The following SMAD2 variants were observed in gnomAD, a reference collection of about 807,000 sequenced individuals.
SMAD2 encodes MAD homolog 2.
Under a neutral mutation model 64.4 loss-of-function variants are expected in SMAD2, and 8 were observed. That is an observed-to-expected ratio of 0.12 (90% confidence interval 0.07 to 0.22). The LOEUF is 0.22. SMAD2 is among the 10% of genes least tolerant of loss of function. SMAD2 has a pLI of 1.00. For synonymous variants in SMAD2, 203 were observed against 195.8 expected (o/e 1.04, Z -0.31); for missense variants, 289 against 561.2 (o/e 0.51, Z 4.90).
intron 6 of SMAD2, 48 bp downstream of exon 6, chr18:47,865,011 G>T (rs2031455144): frequency 1.9e-6 from 2 of 1,067,222 alleles, no homozygotes; most frequent in East Asian, 2.4e-5. Context: ...AACAATACAA[G>T]AAATGTATAT....
At chr18:47,917,306 A>G (rs2034375960) in intron 1 of SMAD2, among the ~76,000 whole-genome samples, 1 of 152,192 alleles carries the variant, frequency 6.6e-6, no homozygotes, top group East Asian at 1.9e-4. Context: ...ATTTTACCTT[A>G]TAAATTACAC....
At chr18:47,880,569 T>C (rs2032528247) in intron 2 of SMAD2, among the ~76,000 whole-genome samples, 1 of 152,152 alleles carries the variant, frequency 6.6e-6, no homozygotes. Flanking sequence ...TATTACTGAG[T>C]TTTCCAATTC....
Position 47,845,322 on chromosome 18 carries a change from CA to C in SMAD2, c.1280+17del. On this transcript the variant is annotated intron_variant, in intron 10 of 10. Coordinates refer to ENST00000262160, the MANE Select transcript of SMAD2 (RefSeq NM_005901.6). ...AATTACACTGTGGAAATTTAAGAAC[CA>C]AATATGTATTTCATACCGGTATTCT... 1 of 1,610,226 alleles carries C rather than the reference CA, an allele frequency of 6.2e-7. No homozygotes were observed. Among genetic ancestry groups the C allele is most frequent in the East Asian group, 2.2e-5 (1 of 44,856 alleles).
At chr18:47,885,128 CAT>C (rs750211705) in intron 2 of SMAD2, among the ~76,000 whole-genome samples, 156 of 67,116 alleles carry the variant, frequency 2.3e-3, no homozygotes, top group African/African-American at 0.01. Flanking sequence ...TAGATTTAGT[CAT>C]ATACACACAC....
chr18:47,828,052 G>A lies in SMAD2; in HGVS notation c.*13775C>T, dbSNP rs551126510. ...ATGTGGGGAGCGCCTCTGCCCCGCC[G>A]CCCCGTCTGGGATGTGAGGAGTGTC... is the stretch of plus-strand genomic sequence containing the variant. On this transcript the variant is annotated 3_prime_UTR_variant, in exon 11 of 11. Coordinates refer to ENST00000262160, the MANE Select transcript of SMAD2 (RefSeq NM_005901.6). 9.1e-5 allele frequency: 14 copies of A among 154,122 alleles called. No individual in the cohort carries two copies. The highest frequency in any genetic ancestry group is 2.9e-4 in the South Asian group (2 of 6,988). 9.5% of individuals were successfully genotyped at this position (154,122 alleles called of 1,614,324 possible).
chr18:47,872,371 A>C (rs1218967144), intron 2 of SMAD2, among the ~76,000 whole-genome samples: 1 of 152,150 alleles, frequency 6.6e-6, no homozygotes. Flanking sequence ...GATTCAACCA[A>C]CCGTGGATCA....
At chr18:47,879,154 A>G (rs1019709753) in intron 2 of SMAD2, among the ~76,000 whole-genome samples, 10 of 152,160 alleles carry the variant, frequency 6.6e-5, no homozygotes, top group Admixed American at 6.6e-4. Flanking sequence ...AGATAACACA[A>G]ATCTAGACAC....
chr18:47,862,171 T>A (rs907767226), intron 6 of SMAD2, among the ~76,000 whole-genome samples: 1 of 152,202 alleles, frequency 6.6e-6, no homozygotes, highest in African/African-American at 2.4e-5. Context: ...CAATTTCTAA[T>A]TTTTGTATAT....
intron 6 of SMAD2, among the ~76,000 whole-genome samples, chr18:47,853,975 T>C (rs900798073): frequency 2.6e-5 from 4 of 152,040 alleles, no homozygotes; most frequent in Non-Finnish European, 5.9e-5. Flanking sequence ...AAATGACCAG[T>C]AGGATCATTT....
intron 7 of SMAD2, 113 bp from the exon 8 acceptor site, chr18:47,848,800 C>G (rs962474792): frequency 1.1e-5 from 8 of 755,228 alleles, no homozygotes; most frequent in Non-Finnish European, 1.8e-5. Context: ...CCTGCACTGG[C>G]AAAAGCTCAG....
intron 8 of SMAD2, among the ~76,000 whole-genome samples, chr18:47,846,211 C>A (rs184312132): frequency 1.3e-5 from 2 of 152,014 alleles, no homozygotes; most frequent in Admixed American, 6.6e-5. Flanking sequence ...GATGTAAAAA[C>A]ATCAAAAAGT....
chr18:47,901,776 A>G (rs1326179946), intron 1 of SMAD2, among the ~76,000 whole-genome samples: 1 of 152,142 alleles, frequency 6.6e-6, no homozygotes, highest in Admixed American at 6.5e-5. Flanking sequence ...CTTCATTTCA[A>G]AAGCTAGCAG....
chr18:47,857,249 A>C (rs538529409), intron 6 of SMAD2, among the ~76,000 whole-genome samples: 1 of 152,340 alleles, frequency 6.6e-6, no homozygotes, highest in South Asian at 2.1e-4. Flanking sequence ...TAAGAGATTA[A>C]GCTTCCCTGC....
rs969915926 is a variant in SMAD2 at position 47,812,355 on chromosome 18, G to C, written c.*29472C>G. 6.6e-6 allele frequency: 1 copy of C among 152,086 alleles called. No homozygotes were observed. The highest frequency in any genetic ancestry group is 2.4e-5 in the African/African-American group (1 of 41,408). The allele number at this position is 152,086 out of a possible 1,614,324, so 9.4% of individuals were successfully genotyped here. A position where few individuals can be genotyped will look rare whatever the true frequency, so the allele number is the denominator to read the frequency against. Reference sequence around the variant, plus strand: ...GGCCTCCCCAGCCATGTAAAACTGTGAGTCAATTAAACCTCTTTTATAAAT... The same window carrying C: ...GGCCTCCCCAGCCATGTAAAACTGTCAGTCAATTAAACCTCTTTTATAAAT... On this transcript the variant is annotated 3_prime_UTR_variant, in exon 11 of 11. Transcript: ENST00000262160.
intron 8 of SMAD2, among the ~76,000 whole-genome samples, chr18:47,846,549 G>A (rs965487264): frequency 6.6e-6 from 1 of 152,122 alleles, no homozygotes. Flanking sequence ...CTTTAAAAGG[G>A]ACTAGACTGT....
chr18:47,919,434 G>T (rs1403780481), intron 1 of SMAD2, among the ~76,000 whole-genome samples: 1 of 125,576 alleles, frequency 8.0e-6, no homozygotes, highest in South Asian at 2.9e-4. Flanking sequence ...ACTCCAACTA[G>T]ACAACAGAGT....
chr18:47,920,502 T>A (rs1568118009), intron 1 of SMAD2, among the ~76,000 whole-genome samples: 1 of 152,216 alleles, frequency 6.6e-6, no homozygotes, highest in African/African-American at 2.4e-5. Flanking sequence ...CTAGTGGCTA[T>A]CATACTGGAC....
At chr18:47,855,866 A>G (rs2030629828) in intron 6 of SMAD2, among the ~76,000 whole-genome samples, 1 of 152,152 alleles carries the variant, frequency 6.6e-6, no homozygotes, top group Non-Finnish European at 1.5e-5. Context: ...TTTCTGCTGA[A>G]AAAGCTGATT....
intron 1 of SMAD2, among the ~76,000 whole-genome samples, chr18:47,911,145 T>A (rs768559546): frequency 6.6e-6 from 1 of 151,712 alleles, no homozygotes; most frequent in Non-Finnish European, 1.5e-5. Flanking sequence ...AGGTCAGGCA[T>A]TCGAGAACTA....
Sources: gnomAD v4.1 joint callset for allele counts (sites outside exome capture counted in the v4.1 genomes callset) on GRCh38, gnomAD v4.1.1 for gene constraint, MANE v1.5 for transcripts, NCBI Gene and HGNC (gene_info 2026-07-23, HGNC 2026-07-21) for gene names.